Variants in MTMR2 observed in about 807,000 individuals in gnomAD.
MTMR2 encodes the protein myotubularin related protein 2.
A neutral mutation model predicts 86.9 loss-of-function variants in MTMR2; 55 were observed. The observed-to-expected ratio is 0.63, with a 90% CI of 0.51 to 0.79. The LOEUF is 0.79. Among genes scored for constraint, MTMR2 ranks in the 30% least tolerant of loss-of-function variants. The pLI is 0.00. For missense variants in MTMR2, 659 were observed against 772.3 expected (o/e 0.85, Z 1.74); for synonymous variants, 241 against 266.8 (o/e 0.90, Z 0.94).
rs1864257557 is a variant in MTMR2, at chr11:95,857,569, A to C, written c.637T>G (p.Leu213Val). The C allele has an allele frequency of 2.5e-6, 4 of 1,610,432 alleles. No individual in the cohort carries two copies. In the African/African-American group the frequency reaches 5.3e-5, roughly 22 times the overall value. Residue 213 changes from leucine (L) to valine (V), a missense_variant, in exon 7 of 15, where the codon TTA becomes GTA. By Grantham distance (32) the Leu-to-Val change is conservative. Coordinates refer to ENST00000346299, the MANE Select transcript of MTMR2 (RefSeq NM_016156.6). ...GTACATACCTGCCTTCTATACTCTA[A>C]AAGAGGGTCATATAGCTTCCACCCA... is the stretch of plus-strand genomic sequence containing the variant. Reference protein sequence around the residue: ...ENGWKLYDPLLEYRRQGIPNE... With the variant: ...ENGWKLYDPLVEYRRQGIPNE...
intron 10 of MTMR2, 135 bp downstream of exon 10, chr11:95,847,579 C>G (rs530433140): frequency 2.5e-5 from 20 of 800,812 alleles, no homozygotes; most frequent in African/African-American, 2.2e-4. Flanking sequence ...CTAGTAGTTC[C>G]AAGTATCAAA....
At chr11:95,877,947 T>C (rs899967244) in intron 2 of MTMR2, among the ~76,000 whole-genome samples, 13 of 151,954 alleles carry the variant, frequency 8.6e-5, no homozygotes, top group African/African-American at 2.9e-4. Context: ...TCTGTTATTA[T>C]AGCAGCCCTA....
At chr11:95,896,959 G>A (rs1203571142) in intron 1 of MTMR2, among the ~76,000 whole-genome samples, 2 of 151,378 alleles carry the variant, frequency 1.3e-5, no homozygotes, top group Non-Finnish European at 2.9e-5. Flanking sequence ...ATTTTCACTG[G>A]GATGGTTAAA....
intron 2 of MTMR2, among the ~76,000 whole-genome samples, chr11:95,879,974 T>C (rs1049462315): frequency 5.3e-5 from 8 of 152,058 alleles, no homozygotes; most frequent in Non-Finnish European, 1.0e-4. Context: ...TTAAAGTTTC[T>C]TCACATATTT....
chr11:95,836,215 G>C lies in MTMR2; in HGVS notation c.1703C>G (p.Ala568Gly), dbSNP rs1211595716. Residue 568 changes from alanine (A) to glycine (G), a missense_variant, in exon 14 of 15, where the codon GCC becomes GGC. Coordinates refer to ENST00000346299, the MANE Select transcript of MTMR2 (RefSeq NM_016156.6). ...CCAGAGCTCTAGGTGGCGCATGCTGGCTACTGGATAAAGGACATGATTGGA... is the reference window on the plus strand; with the variant it reads ...CCAGAGCTCTAGGTGGCGCATGCTGCCTACTGGATAAAGGACATGATTGGA... ...SYSNHVLYPV[A>G]SMRHLELWVG... 2 of 1,612,890 alleles carry C rather than the reference G, an allele frequency of 1.2e-6. No individual in the cohort carries two copies. Among genetic ancestry groups the C allele is most frequent in the South Asian group, 1.1e-5 (1 of 91,040 alleles).
chr11:95,840,711 C>T (rs1256496545), intron 12 of MTMR2, among the ~76,000 whole-genome samples: 2 of 152,092 alleles, frequency 1.3e-5, no homozygotes, highest in African/African-American at 4.8e-5. Context: ...ATGATTATTT[C>T]ACCCCATTAC....
intron 1 of MTMR2, among the ~76,000 whole-genome samples, chr11:95,889,931 AT>A (rs549371139): frequency 8.3e-4 from 126 of 152,242 alleles, no homozygotes; most frequent in African/African-American, 2.8e-3. Context: ...AGAATGCAAA[AT>A]TTTTTTCACT....
At chr11:95,877,606 T>A (rs187337714) in intron 2 of MTMR2, among the ~76,000 whole-genome samples, 3 of 152,020 alleles carry the variant, frequency 2.0e-5, no homozygotes, top group Non-Finnish European at 2.9e-5. Flanking sequence ...GTTGCAGATA[T>A]AATTAGTTAA....
intron 2 of MTMR2, among the ~76,000 whole-genome samples, chr11:95,871,533 T>A (rs1864883316): frequency 6.6e-6 from 1 of 152,240 alleles, no homozygotes. Context: ...TGCATAAATG[T>A]CTCCTTTTGA....
chr11:95,923,820 C>G, intron 1 of MTMR2, 55 bp downstream of exon 1: 1 of 1,532,968 alleles, frequency 6.5e-7, no homozygotes, highest in Non-Finnish European at 8.8e-7. Flanking sequence ...AGCAGGTCCC[C>G]GGCCCCTCTC....
At position 95,850,672 on chromosome 11, in the gene MTMR2, C is replaced by A; in HGVS notation, c.732G>T (p.Leu244=). ...CATCAGGAATATTTGCTGGCACAAC[C>A]AGGAGGGCAGGGTATGTATCACAAA... ...YELCDTYPAL[L]VVPANIPDEE... is the part of the protein sequence containing the mutation. The change falls in exon 8 of 15, where the codon CTG becomes CTT. Residue 244 remains leucine (L), a synonymous_variant. Transcript: ENST00000346299. 6.2e-7 allele frequency: 1 copy of A among 1,614,114 alleles called. No homozygotes were observed.
At chr11:95,899,562 A>G (rs1026828352) in intron 1 of MTMR2, among the ~76,000 whole-genome samples, 1 of 151,960 alleles carries the variant, frequency 6.6e-6, no homozygotes, top group African/African-American at 2.4e-5. Flanking sequence ...CTCCCCAATT[A>G]TAGCCTCATG....
chr11:95,878,545 T>C (rs1462146649), intron 2 of MTMR2, among the ~76,000 whole-genome samples: 1 of 152,136 alleles, frequency 6.6e-6, no homozygotes, highest in Non-Finnish European at 1.5e-5. Flanking sequence ...TTCACTTTTC[T>C]GCAAAAACTT....
At chr11:95,835,598 C>A (rs1590968295) in intron 14 of MTMR2, 147 bp from the exon 15 acceptor site, 1 of 768,110 alleles carries the variant, frequency 1.3e-6, no homozygotes, top group Admixed American at 2.1e-5. Context: ...AATACCGGGA[C>A]TGTGGACACC....
chr11:95,899,045 A>G (rs941641363), intron 1 of MTMR2, among the ~76,000 whole-genome samples: 2 of 152,180 alleles, frequency 1.3e-5, no homozygotes, highest in Non-Finnish European at 2.9e-5. Context: ...TATTTCTGTA[A>G]GCAATGAGAG....
chr11:95,894,197 C>T (rs1865805617), intron 1 of MTMR2, among the ~76,000 whole-genome samples: 1 of 152,184 alleles, frequency 6.6e-6, no homozygotes, highest in African/African-American at 2.4e-5. Context: ...TTTGTCCCAT[C>T]TATCTTGTAG....
At chr11:95,874,350 T>C (rs1865013577) in intron 2 of MTMR2, among the ~76,000 whole-genome samples, 1 of 152,250 alleles carries the variant, frequency 6.6e-6, no homozygotes, top group East Asian at 1.9e-4. Flanking sequence ...CATTATGTAA[T>C]GGCCTCTTTG....
chr11:95,879,850 C>A (rs971210996), intron 2 of MTMR2, among the ~76,000 whole-genome samples: 1 of 152,010 alleles, frequency 6.6e-6, no homozygotes, highest in African/African-American at 2.4e-5. Flanking sequence ...CAAATTTTAA[C>A]CATATTATTT....
Position 95,892,120 on chromosome 11 carries a change from C to T in MTMR2, c.81-3859G>A, listed in dbSNP as rs117239278. Among the ~76,000 whole-genome samples the T allele has an allele frequency of 7.8e-3, 1,185 of 152,290 alleles. 8 individuals carry two copies. Among genetic ancestry groups the T allele is most frequent in the Middle Eastern group, 0.017 (5 of 294 alleles). On this transcript the variant is annotated intron_variant, in intron 1 of 14. Coordinates refer to ENST00000346299, the MANE Select transcript of MTMR2 (RefSeq NM_016156.6). ...CTGGTATAACACACGCTAATTTCCA[C>T]TGCTTTTTTTCCATTTCTCCCTTGC...
Sources: allele counts gnomAD v4.1 joint callset (sites outside exome capture counted in the v4.1 genomes callset), GRCh38; gene constraint gnomAD v4.1.1; transcripts MANE v1.5; gene names NCBI Gene and HGNC (gene_info 2026-07-23, HGNC 2026-07-21).